The following PCDHA7 variants were observed in gnomAD, a reference collection of about 807,000 sequenced individuals.
PCDHA7 encodes protocadherin alpha 7.
In PCDHA7, 37 loss-of-function variants were observed where a neutral mutation model predicts 57.2. That is an observed-to-expected ratio of 0.65 (90% CI 0.50 to 0.85). PCDHA7 has a LOEUF of 0.85. Among genes scored for constraint, PCDHA7 ranks in the 40% least tolerant of loss-of-function variants. PCDHA7 has a pLI of 0.00. For synonymous variants in PCDHA7, 553 were observed against 558.8 expected (o/e 0.99, Z 0.15); for missense variants, 1,188 against 1,241.8 (o/e 0.96, Z 0.65).
At chr5:140,974,894 A>C (rs1554236433) in intron 1 of PCDHA7, among the ~76,000 whole-genome samples, 2 of 152,184 alleles carry the variant, frequency 1.3e-5, no homozygotes, top group Admixed American at 6.5e-5. Context: ...TTTTCTGATG[A>C]TTTGTAACAA....
At chr5:140,976,241 T>C (rs1170027788) in intron 1 of PCDHA7, among the ~76,000 whole-genome samples, 3 of 152,144 alleles carry the variant, frequency 2.0e-5, no homozygotes, top group African/African-American at 4.8e-5. Context: ...TGTCATTTCA[T>C]GTAAATTTAT....
chr5:140,906,878 C>T (rs557095374), intron 1 of PCDHA7, among the ~76,000 whole-genome samples: 1 of 152,332 alleles, frequency 6.6e-6, no homozygotes, highest in East Asian at 1.9e-4. Context: ...AACACTGTAA[C>T]TTCCTTCTTA....
chr5:140,920,129 A>T lies in PCDHA7; in HGVS notation c.2356-58820A>T, dbSNP rs369489887. Among the ~76,000 whole-genome samples, 8 of 152,262 alleles carry T rather than the reference A, an allele frequency of 5.3e-5. No homozygotes were observed. The South Asian group carries it at 1.7e-3, about 32-fold the overall frequency. ...CAACCTTGCCAACATCTTGAGTTTT[A>T]ATTCTCCTCTCCAAACCTGGGAGAA... On this transcript the variant is annotated intron_variant, in intron 1 of 3. Transcript: ENST00000525929.
intron 2 of PCDHA7, among the ~76,000 whole-genome samples, chr5:140,979,729 C>CA: frequency 6.6e-6 from 1 of 152,232 alleles, no homozygotes; most frequent in African/African-American, 2.4e-5. Flanking sequence ...GCCATGGGGC[C>CA]AAATAAAAGA....
chr5:140,998,423 T>C (rs1248330149), intron 3 of PCDHA7, among the ~76,000 whole-genome samples: 1 of 152,248 alleles, frequency 6.6e-6, no homozygotes, highest in African/African-American at 2.4e-5. Context: ...ACCTGGTTTA[T>C]CCTTTAACAC....
intron 3 of PCDHA7, among the ~76,000 whole-genome samples, chr5:140,988,142 A>G (rs1017336547): frequency 5.3e-5 from 8 of 152,056 alleles, no homozygotes; most frequent in African/African-American, 1.4e-4. Context: ...AACCTGTTCA[A>G]CCTCAACTTC....
At chr5:140,862,288 G>A in intron 1 of PCDHA7, 1 of 264,980 alleles carries the variant, frequency 3.8e-6, no homozygotes, top group East Asian at 9.0e-5. Context: ...CTGTACAGGA[G>A]GACGCTCCAC....
At chr5:140,916,714 G>C (rs1457405124) in intron 1 of PCDHA7, among the ~76,000 whole-genome samples, 1 of 152,172 alleles carries the variant, frequency 6.6e-6, no homozygotes, top group African/African-American at 2.4e-5. Context: ...CAGAAGGAAG[G>C]AGTGACTTTT....
intron 1 of PCDHA7, chr5:140,928,449 G>A (rs1225507568): frequency 3.7e-6 from 6 of 1,614,136 alleles, no homozygotes; most frequent in Non-Finnish European, 5.1e-6. Context: ...AGCAGCTCAG[G>A]GGGTTTCATT....
intron 1 of PCDHA7, among the ~76,000 whole-genome samples, chr5:140,952,192 G>A (rs572613863): frequency 1.1e-4 from 16 of 152,198 alleles, no homozygotes; most frequent in African/African-American, 3.9e-4. Flanking sequence ...TCATGGGTTG[G>A]TGTTGAATGC....
At chr5:140,871,120 C>G (rs1554165154) in intron 1 of PCDHA7, 1 of 1,613,342 alleles carries the variant, frequency 6.2e-7, no homozygotes, top group Non-Finnish European at 8.5e-7. Flanking sequence ...GGAGAGCGGA[C>G]AGGCGCCAAA....
At chr5:140,892,980 G>T (rs568292110) in intron 1 of PCDHA7, among the ~76,000 whole-genome samples, 192 of 152,148 alleles carry the variant, frequency 1.3e-3, no homozygotes, top group African/African-American at 4.5e-3. Flanking sequence ...TGTAGCTGCC[G>T]TATAAGTGAG....
chr5:140,892,232 T>C (rs2063437812), intron 1 of PCDHA7, among the ~76,000 whole-genome samples: 1 of 152,176 alleles, frequency 6.6e-6, no homozygotes, highest in African/African-American at 2.4e-5. Context: ...GTGTTTTGTC[T>C]CCACATAAAC....
At chr5:140,949,336 A>G (rs1585327315) in intron 1 of PCDHA7, among the ~76,000 whole-genome samples, 1 of 151,920 alleles carries the variant, frequency 6.6e-6, no homozygotes, top group South Asian at 2.1e-4. Context: ...ATTGTTATCC[A>G]GATTTTCTGT....
At chr5:140,986,102 C>T (rs782067384) in intron 3 of PCDHA7, among the ~76,000 whole-genome samples, 14 of 152,102 alleles carry the variant, frequency 9.2e-5, no homozygotes, top group Non-Finnish European at 1.5e-5. Flanking sequence ...CTGCAAAAGC[C>T]TAAGATAAAG....
intron 1 of PCDHA7, chr5:140,968,073 A>G: frequency 6.2e-7 from 1 of 1,614,142 alleles, no homozygotes; most frequent in African/African-American, 1.3e-5. Flanking sequence ...GCTGTCTACA[A>G]CATCACGGTG....
At position 140,835,904 on chromosome 5, in the gene PCDHA7, C is replaced by T; in HGVS notation, c.1521C>T (p.Tyr507=). Residue 507 remains tyrosine (Y), a synonymous_variant, in exon 1 of 4, where the codon TAC becomes TAT. Transcript: ENST00000525929. ...TGGGCGAGCGCGCGCTGTCGAGCTA[C>T]GTGTCAGTGCACGCGGAGAGCGGCA... ...LRVGERALSS[Y]VSVHAESGKV... is the part of the protein sequence containing the mutation. The T allele has an allele frequency of 1.2e-6, 2 of 1,612,178 alleles. No individual in the cohort carries two copies. The highest frequency in any genetic ancestry group is 1.1e-5 in the South Asian group (1 of 91,006).
At chr5:140,841,880 G>C (rs1777553890) in intron 1 of PCDHA7, 18 of 1,613,708 alleles carry the variant, frequency 1.1e-5, no homozygotes, top group Non-Finnish European at 1.4e-5. Flanking sequence ...TTCAAAGAAC[G>C]ATGAGAATAA....
chr5:140,952,338 C>CAAAAAAAA (rs55931446), intron 1 of PCDHA7, among the ~76,000 whole-genome samples: 1 of 135,028 alleles, frequency 7.4e-6, no homozygotes. Context: ...AACTCCATCT[C>CAAAAAAAA]AAAAAAAAAA....
Sources: gnomAD v4.1 joint callset for allele counts (sites outside exome capture counted in the v4.1 genomes callset) on GRCh38, gnomAD v4.1.1 for gene constraint, MANE v1.5 for transcripts, NCBI Gene and HGNC (gene_info 2026-07-23, HGNC 2026-07-21) for gene names.